Variants in FHAD1 observed in about 807,000 individuals in gnomAD.
FHAD1 encodes forkhead-associated domain-containing protein 1.
FHAD1 carries 146 observed loss-of-function variants against 191.3 expected under a neutral mutation model. The ratio of observed to expected loss-of-function variants is 0.76; its 90% CI spans 0.67 to 0.88. The LOEUF is 0.88. FHAD1 is among the 40% of genes least tolerant of loss of function. FHAD1 has a pLI of 0.00. For missense variants in FHAD1, 1,635 were observed against 1,785.8 expected (o/e 0.92, Z 1.52); for synonymous variants, 616 against 672.3 (o/e 0.92, Z 1.29).
Position 15,381,189 on chromosome 1 carries a change from G to A in FHAD1, c.3802-42G>A. On this transcript the variant is annotated intron_variant, in intron 29 of 33. Transcript: ENST00000688493. This position sits in a 1 kb window ranked among gnomAD's most constrained non-coding sequence, Gnocchi z 4.6. Reference sequence around the variant, plus strand: ...GGCCTCCTTAAAGCGGCCACCAGCGGCCGCGGGTAATGCCTCTTATGCGCG... The same window carrying A: ...GGCCTCCTTAAAGCGGCCACCAGCGACCGCGGGTAATGCCTCTTATGCGCG... The A allele has an allele frequency of 7.1e-7, 1 of 1,416,094 alleles. No individual in the cohort carries two copies. Among genetic ancestry groups the A allele is most frequent in the Non-Finnish European group, 9.7e-7 (1 of 1,028,476 alleles). 87.7% of individuals were successfully genotyped at this position (1,416,094 alleles called of 1,614,324 possible). A position where few individuals can be genotyped will look rare whatever the true frequency, so the allele number is the denominator to read the frequency against.
intron 2 of FHAD1, among the ~76,000 whole-genome samples, chr1:15,270,799 T>C (rs1359826632): frequency 6.6e-6 from 1 of 151,506 alleles, no homozygotes; most frequent in Non-Finnish European, 1.5e-5. Flanking sequence ...CCCAGCACTT[T>C]AGGAGGCTGG....
intron 20 of FHAD1, among the ~76,000 whole-genome samples, chr1:15,354,571 A>G (rs1002438344): frequency 2.6e-5 from 4 of 152,206 alleles, no homozygotes; most frequent in Admixed American, 6.5e-5. Context: ...CAGATGATGT[A>G]TCATGGATCC....
Position 15,316,323 on chromosome 1 carries a change from G to T in FHAD1, c.1171-55G>T. On this transcript the variant is annotated intron_variant, in intron 8 of 33. Coordinates refer to ENST00000688493, the MANE Select transcript of FHAD1 (RefSeq NM_001391957.1). The surrounding 1 kb of genome is among the most constrained non-coding windows in gnomAD (Gnocchi z 4.3). ...GGGCCTTGGAGCCCCTCCTTCCCCC[G>T]ACAACCCTACCTGGCCAACGTTGGC... is the stretch of plus-strand genomic sequence containing the variant. 6.9e-7 allele frequency: 1 copy of T among 1,446,200 alleles called. No individual in the cohort carries two copies. The highest frequency in any genetic ancestry group is 1.2e-5 in the South Asian group (1 of 81,582). The allele number at this position is 1,446,200 out of a possible 1,614,324, so 89.6% of individuals were successfully genotyped here. A position where few individuals can be genotyped will look rare whatever the true frequency, so the allele number is the denominator to read the frequency against.
intron 20 of FHAD1, among the ~76,000 whole-genome samples, chr1:15,353,937 T>C (rs954977329): frequency 3.3e-5 from 5 of 152,048 alleles, no homozygotes; most frequent in Non-Finnish European, 5.9e-5. Flanking sequence ...TCATAAGCAA[T>C]AGGGCATAAT....
intron 14 of FHAD1, among the ~76,000 whole-genome samples, chr1:15,332,341 C>T (rs1463954474): frequency 6.6e-6 from 1 of 152,120 alleles, no homozygotes; most frequent in African/African-American, 2.4e-5. Context: ...GTGCACTGTC[C>T]CCTTCCCACT....
At chr1:15,262,349 C>G (rs941765691) in intron 2 of FHAD1, among the ~76,000 whole-genome samples, 1 of 152,160 alleles carries the variant, frequency 6.6e-6, no homozygotes, top group African/African-American at 2.4e-5. Context: ...CACCACAAAC[C>G]CATAAGGGCC....
At chr1:15,308,157 G>T (rs72864839) in intron 6 of FHAD1, among the ~76,000 whole-genome samples, 1 of 152,228 alleles carries the variant, frequency 6.6e-6, no homozygotes, top group African/African-American at 2.4e-5. Context: ...TAGTGTCTGT[G>T]AGTGGGCTTT....
At chr1:15,302,703 G>A (rs1669208525) in intron 6 of FHAD1, among the ~76,000 whole-genome samples, 2 of 151,958 alleles carry the variant, frequency 1.3e-5, no homozygotes, top group South Asian at 4.1e-4. Flanking sequence ...GGGCGACAGA[G>A]CGAGACTCCG....
chr1:15,342,020 T>A, intron 16 of FHAD1, 132 bp downstream of exon 16: 1 of 698,054 alleles, frequency 1.4e-6, no homozygotes, highest in Non-Finnish European at 2.2e-6. Context: ...CTAAATTAAT[T>A]AAACAGGGTG....
chr1:15,333,344 G>C (rs1388605053), intron 14 of FHAD1, among the ~76,000 whole-genome samples: 4 of 152,110 alleles, frequency 2.6e-5, no homozygotes. Context: ...ATGGGGAGGA[G>C]GAGGGAAGAG....
chr1:15,267,950 A>ATAT (rs34208769), intron 2 of FHAD1, among the ~76,000 whole-genome samples: 1 of 148,096 alleles, frequency 6.8e-6, no homozygotes, highest in Non-Finnish European at 1.5e-5. Context: ...GAATATAAAA[A>ATAT]ATATATATAT....
At chr1:15,365,268 C>A (rs1696043782) in intron 23 of FHAD1, among the ~76,000 whole-genome samples, 1 of 152,202 alleles carries the variant, frequency 6.6e-6, no homozygotes. Flanking sequence ...TCATGCAAGG[C>A]ATGTTTGAGC....
chr1:15,388,067 A>G lies in FHAD1; in HGVS notation c.4205A>G (p.His1402Arg), dbSNP rs1476807717. 7.8e-7 allele frequency: 1 copy of G among 1,289,744 alleles called. No individual in the cohort carries two copies. Among genetic ancestry groups the G allele is most frequent in the Non-Finnish European group, 1.0e-6 (1 of 988,826 alleles). 79.9% of individuals were successfully genotyped at this position (1,289,744 alleles called of 1,614,324 possible). Residue 1402 changes from histidine to arginine, a missense_variant, in exon 32 of 34, where the codon CAC becomes CGC. His to Arg is a conservative substitution (Grantham distance 29, BLOSUM62 0). Transcript: ENST00000688493. Reference sequence around the variant, plus strand: ...TTCACTCAGGAAAGTGTAGAGGAGCACGAACTGAGAAACGCAAAAGAATCG... The same window carrying G: ...TTCACTCAGGAAAGTGTAGAGGAGCGCGAACTGAGAAACGCAAAAGAATCG... ...IRQQKESVEE[H>R]ELRNAKESTP...
intron 1 of FHAD1, among the ~76,000 whole-genome samples, chr1:15,242,014 C>T (rs1645435232): frequency 6.6e-6 from 1 of 152,146 alleles, no homozygotes; most frequent in Non-Finnish European, 1.5e-5. Flanking sequence ...GCGGGTGGAT[C>T]ACGAGGTCAG....
chr1:15,346,016 C>G (rs1014705360), intron 18 of FHAD1, among the ~76,000 whole-genome samples: 1 of 152,148 alleles, frequency 6.6e-6, no homozygotes, highest in African/African-American at 2.4e-5. Context: ...TCTTACGCCC[C>G]GGAGGAGTAT....
downstream of FHAD1, among the ~76,000 whole-genome samples, chr1:15,401,481 A>G (rs1286053313): frequency 6.6e-6 from 1 of 152,102 alleles, no homozygotes; most frequent in Non-Finnish European, 1.5e-5. Context: ...AAGACACACA[A>G]CTTCCTTCCG....
intron 15 of FHAD1, among the ~76,000 whole-genome samples, chr1:15,340,857 T>A (rs1028130232): frequency 2.0e-5 from 3 of 152,140 alleles, no homozygotes; most frequent in Non-Finnish European, 2.9e-5. Flanking sequence ...ATGTAAGCAA[T>A]GGACATGATA....
rs530329931 is a variant in FHAD1, at chr1:15,317,887, G to A, written c.1324G>A (p.Glu442Lys). The A allele has an allele frequency of 6.4e-7, 1 of 1,551,746 alleles. No individual in the cohort carries two copies. Among genetic ancestry groups the A allele is most frequent in the East Asian group, 2.4e-5 (1 of 40,930 alleles). Residue 442 changes from glutamate to lysine, a missense_variant, in exon 10 of 34, where the codon GAA (glutamate) becomes AAA (lysine). By Grantham distance (56) the Glu-to-Lys change is moderately conservative. Coordinates refer to ENST00000688493, the MANE Select transcript of FHAD1 (RefSeq NM_001391957.1). ...LRAELRKSCT[E>K]QSVISRTLRE... ...GGCAGAGCTGAGGAAGAGTTGTACT[G>A]AACAAAGCGTGATCTCTAGGACTCT... is the stretch of plus-strand genomic sequence containing the variant.
At chr1:15,359,293 C>T (rs1693881827) in intron 21 of FHAD1, among the ~76,000 whole-genome samples, 1 of 152,084 alleles carries the variant, frequency 6.6e-6, no homozygotes, top group Non-Finnish European at 1.5e-5. Flanking sequence ...GGAAGGCAGC[C>T]TCTTAGGTAG....
Sources: gnomAD v4.1 joint callset for allele counts (sites outside exome capture counted in the v4.1 genomes callset) on GRCh38, gnomAD v4.1.1 for gene constraint, Gnocchi (gnomAD v3.1) non-coding constraint, MANE v1.5 for transcripts, NCBI Gene and HGNC (gene_info 2026-07-23, HGNC 2026-07-21) for gene names.